The following SLC4A11 variants were observed in gnomAD, a reference collection of about 807,000 sequenced individuals.
SLC4A11 encodes the protein bicarbonate transporter related protein 1.
A neutral mutation model predicts 95.0 loss-of-function variants in SLC4A11; 74 were observed. The observed-to-expected ratio is 0.78, with a 90% CI of 0.65 to 0.95. The LOEUF (loss-of-function observed/expected upper bound fraction) is 0.95, where lower values mean the gene tolerates loss of function less well. SLC4A11 is among the 40% of genes least tolerant of loss of function. The pLI is 0.00. For synonymous variants in SLC4A11, 548 were observed against 519.0 expected (o/e 1.06, Z -0.76); for missense variants, 1,081 against 1,192.4 (o/e 0.91, Z 1.38).
At chr20:3,237,817 G>A in intron 1 of SLC4A11, 3 of 1,575,878 alleles carry the variant, frequency 1.9e-6, no homozygotes, top group Non-Finnish European at 2.6e-6. Context: ...CCATCTGCTA[G>A]GGGCTGCCCA....
In SLC4A11 at chr20:3,228,658, G is replaced by C. The variant is rs2067629030; in HGVS notation, c.2242C>G (p.Leu748Val). 2 of 1,612,986 alleles carry C rather than the reference G, an allele frequency of 1.2e-6. No homozygotes were observed. The highest frequency in any genetic ancestry group is 1.7e-6 in the Non-Finnish European group (2 of 1,179,924). Reference protein sequence around the residue: ...TRLTSLGASVLVGLSLLLLPV... With the variant: ...TRLTSLGASVVVGLSLLLLPV... The stretch of plus-strand genomic sequence containing the variant: ...AGCAGCAACAGGGACAGGCCCACCA[G>C]GACGCTGGCGCCCAGCGAGGTCAGC... The change falls in exon 18 of 20, where the codon CTG becomes GTG. Residue 748 changes from leucine to valine, a missense_variant. Coordinates refer to ENST00000642402, the MANE Select transcript of SLC4A11 (RefSeq NM_001174089.2).
intron 7 of SLC4A11, 26 bp downstream of exon 7, chr20:3,233,488 C>T (rs1335354480): frequency 1.9e-6 from 3 of 1,612,734 alleles, no homozygotes; most frequent in African/African-American, 1.3e-5. Flanking sequence ...CTCCTTCTTC[C>T]CCAGGACACG....
Position 3,230,970 on chromosome 20 carries a change from G to T in SLC4A11, c.1131C>A (p.Phe377Leu), listed in dbSNP as rs139297339. 3 of 1,575,476 alleles carry T rather than the reference G, an allele frequency of 1.9e-6. No homozygotes were observed. The highest frequency in any genetic ancestry group is 4.8e-5 in the East Asian group (2 of 41,738). Reference sequence around the variant, plus strand: ...CTGTGTTCTCGTCATTGAGAGACCCGAAAGCGATGGTGGGCAGGAGGCAGG... The same window carrying T: ...CTGTGTTCTCGTCATTGAGAGACCCTAAAGCGATGGTGGGCAGGAGGCAGG... Reference protein sequence around the residue: ...YFACLLPTIAFGSLNDENTDG... With the variant: ...YFACLLPTIALGSLNDENTDG... The change falls in exon 10 of 20, where the codon TTC becomes TTA. Residue 377 changes from phenylalanine (F) to leucine (L), a missense_variant. Coordinates refer to ENST00000642402, the MANE Select transcript of SLC4A11 (RefSeq NM_001174089.2).
chr20:3,227,819 A>G lies in SLC4A11; in HGVS notation c.2596T>C (p.Leu866=). 1 of 1,613,196 alleles carries G rather than the reference A, an allele frequency of 6.2e-7. No homozygotes were observed. Among genetic ancestry groups the G allele is most frequent in the Non-Finnish European group, 8.5e-7 (1 of 1,179,908 alleles). ...LLPRIIEAKY[L]DVMDAEHRP is the part of the protein sequence containing the mutation. ...CTGTGCTCAGCGTCCATGACATCCA[A>G]GTACTTGGCTTCAATGATTCGGGGC... The change falls in exon 20 of 20, where the codon TTG becomes CTG. Residue 866 remains leucine, a synonymous_variant. Transcript: ENST00000642402.
At chr20:3,229,868 G>C in intron 13 of SLC4A11, 92 bp from the exon 14 acceptor site, 3 of 1,573,520 alleles carry the variant, frequency 1.9e-6, no homozygotes, top group Non-Finnish European at 2.6e-6. Flanking sequence ...AAGGGCTCCA[G>C]GGGGAAGGTG....
At position 3,228,366 on chromosome 20, in the gene SLC4A11, C is replaced by T. The variant is rs58757394; in HGVS notation, c.2451G>A (p.Thr817=). ...RVPQRKIHYF[T]GLQVLQLLLL... ...GCAGCAGCTGAAGCACCTGCAGGCC[C>T]GTGAAGTAGTGGATCTTCCTCTGGG... Residue 817 remains threonine, a synonymous_variant, in exon 19 of 20, where the codon ACG becomes ACA. Coordinates refer to ENST00000642402, the MANE Select transcript of SLC4A11 (RefSeq NM_001174089.2). 31,742 of 1,613,150 alleles carry T rather than the reference C, an allele frequency of 0.02. 1,699 individuals are homozygous for T. The highest frequency in any genetic ancestry group is 0.17 in the African/African-American group (12,641 of 74,920).
rs952755237 is a variant in SLC4A11, at chr20:3,227,577, G to A, written c.*210C>T. 2.4e-5 allele frequency: 15 copies of A among 612,920 alleles called. No homozygotes were observed. The highest frequency in any genetic ancestry group is 1.2e-4 in the Admixed American group (5 of 40,276). The allele number at this position is 612,920 out of a possible 1,614,324, so 38.0% of individuals were successfully genotyped here. A position where few individuals can be genotyped will look rare whatever the true frequency, so the allele number is the denominator to read the frequency against. ...CTGGGCAGAAGCTGCCCTGAGCAAC[G>A]CTCTTGGCCTAAAGCTAAAGGATAA... On this transcript the variant is annotated 3_prime_UTR_variant, in exon 20 of 20. Coordinates refer to ENST00000642402, the MANE Select transcript of SLC4A11 (RefSeq NM_001174089.2).
Position 3,231,030 on chromosome 20 carries a change from G to A in SLC4A11, c.1071C>T (p.Gly357=), listed in dbSNP as rs1235050403. The A allele has an allele frequency of 1.2e-6, 2 of 1,613,776 alleles. No homozygotes were observed. Among genetic ancestry groups the A allele is most frequent in the Admixed American group, 1.7e-5 (1 of 59,994 alleles). Residue 357 remains glycine (G), a synonymous_variant, in exon 10 of 20, where the codon GGC becomes GGT. Coordinates refer to ENST00000642402, the MANE Select transcript of SLC4A11 (RefSeq NM_001174089.2). The surrounding 1 kb of genome is among the most constrained non-coding windows in gnomAD (Gnocchi z 5.2). The part of the protein sequence containing the change: ...DGIIGKNKAV[G]KYITTTLFLY... ...GGAACAGGGTGGTGGTGATGTATTT[G>A]CCCACAGCCTTGTTTTTCCCAATAA...
intron 11 of SLC4A11, 27 bp from the exon 12 acceptor site, chr20:3,230,674 G>C: frequency 6.2e-7 from 1 of 1,613,052 alleles, no homozygotes; most frequent in Non-Finnish European, 8.5e-7. Context: ...GGGCGGGTCA[G>C]GGCCCGGCAG....
chr20:3,237,521 C>G (rs371041710), intron 2 of SLC4A11, 23 bp downstream of exon 2: 155 of 1,612,746 alleles, frequency 9.6e-5, no homozygotes, highest in Middle Eastern at 3.3e-4. Context: ...TCTGCACACA[C>G]ACACTCCCCG....
chr20:3,239,385 C>A, upstream of SLC4A11: 1 of 1,108,568 alleles, frequency 9.0e-7, no homozygotes, highest in Non-Finnish European at 1.1e-6. Flanking sequence ...GGCTGCTCCC[C>A]GCCGCCCGCA....
At chr20:3,230,106 G>A (rs2067702878) in intron 13 of SLC4A11, 81 bp downstream of exon 13, 1 of 1,484,736 alleles carries the variant, frequency 6.7e-7, no homozygotes, top group Non-Finnish European at 9.4e-7. Flanking sequence ...CCAGTCCTAT[G>A]TGCCCCCAGC....
chr20:3,228,389 G>C lies in SLC4A11; in HGVS notation c.2428C>G (p.Gln810Glu). 6.2e-7 allele frequency: 1 copy of C among 1,613,330 alleles called. No individual in the cohort carries two copies. The highest frequency in any genetic ancestry group is 8.5e-7 in the Non-Finnish European group (1 of 1,180,000). ...PPTHYIRRVP[Q>E]RKIHYFTGLQ... Reference sequence around the variant, plus strand: ...CCCGTGAAGTAGTGGATCTTCCTCTGGGGCACCCTCCGGATGTAGTGTGTC... The same window carrying C: ...CCCGTGAAGTAGTGGATCTTCCTCTCGGGCACCCTCCGGATGTAGTGTGTC... The change falls in exon 19 of 20, where the codon CAG becomes GAG. Residue 810 changes from glutamine to glutamate, a missense_variant. This residue lies in a region of SLC4A11 where 767 missense variants were observed against 858.0 expected (regional missense o/e 0.89). Transcript: ENST00000642402.
chr20:3,237,479 G>T, intron 2 of SLC4A11, 65 bp downstream of exon 2: 1 of 1,524,398 alleles, frequency 6.6e-7, no homozygotes, highest in Non-Finnish European at 9.1e-7. Context: ...GGTAGGCTAT[G>T]CACCCTGGAG....
At chr20:3,233,385 A>G (rs1600591761) in intron 7 of SLC4A11, 129 bp downstream of exon 7, 3 of 1,386,778 alleles carry the variant, frequency 2.2e-6, no homozygotes, top group Admixed American at 3.6e-5. Flanking sequence ...ACACACCCAC[A>G]GGGCCGAGGC....
At chr20:3,228,471 G>A in intron 18 of SLC4A11, 41 bp downstream of exon 18, 2 of 1,612,876 alleles carry the variant, frequency 1.2e-6, no homozygotes, top group South Asian at 1.1e-5. Flanking sequence ...ATGGGGCTGT[G>A]TCCCCACCCA....
upstream of SLC4A11, chr20:3,239,349 C>G (rs945497739): frequency 8.8e-7 from 1 of 1,141,038 alleles, no homozygotes; most frequent in African/African-American, 1.6e-5. Flanking sequence ...CGCCCTCACC[C>G]GCGGGAGGCT....
At position 3,237,607 on chromosome 20, in the gene SLC4A11, G is replaced by A. The variant is rs1251353881; in HGVS notation, c.44-19C>T. 1.2e-6 allele frequency: 2 copies of A among 1,613,958 alleles called. No homozygotes were observed. The highest frequency in any genetic ancestry group is 1.7e-6 in the Non-Finnish European group (2 of 1,180,032). ...GAGTTTTCTGCAAGGGAAGCAGAAA[G>A]GTCACCAGCCCCATGGACCAAGCCC... On this transcript the variant is annotated intron_variant, in intron 1 of 19. Coordinates refer to ENST00000642402, the MANE Select transcript of SLC4A11 (RefSeq NM_001174089.2).
Position 3,228,271 on chromosome 20 carries a change from A to G in SLC4A11, c.2546T>C (p.Met849Thr). 6.2e-7 allele frequency: 1 copy of G among 1,612,468 alleles called. No individual in the cohort carries two copies. Among genetic ancestry groups the G allele is most frequent in the Non-Finnish European group, 8.5e-7 (1 of 1,179,846 alleles). The change falls in exon 19 of 20, where the codon ATG (methionine) becomes ACG (threonine). Residue 849 changes from methionine to threonine, a missense_variant. Coordinates refer to ENST00000642402, the MANE Select transcript of SLC4A11 (RefSeq NM_001174089.2). The part of the protein sequence containing the change: ...KMIFPLIMIA[M>T]IPIRYILLPR... ...CACCCGCCTGTACCGGATGGGGATC[A>G]TGGCGATCATGATGAGGGGAAAGAT... is the stretch of plus-strand genomic sequence containing the variant.
Sources: gnomAD v4.1 joint callset for allele counts on GRCh38, gnomAD v4.1.1 for gene constraint, gnomAD v4.1.1 regional missense constraint, Gnocchi (gnomAD v3.1) non-coding constraint, MANE v1.5 for transcripts, NCBI Gene and HGNC (gene_info 2026-07-23, HGNC 2026-07-21) for gene names.